Variants in AHRR observed in about 807,000 individuals in gnomAD.
AHRR encodes ahR repressor.
Under a neutral mutation model 44.0 loss-of-function variants are expected in AHRR, and 28 were observed. The observed-to-expected ratio is 0.64, with a 90% CI of 0.47 to 0.87. The LOEUF (loss-of-function observed/expected upper bound fraction) is 0.87, where lower values mean the gene tolerates loss of function less well. Among genes scored for constraint, AHRR ranks in the 40% least tolerant of loss-of-function variants. The pLI is 0.00. For synonymous variants in AHRR, 434 were observed against 407.0 expected (o/e 1.07, Z -0.80); for missense variants, 990 against 953.9 (o/e 1.04, Z -0.50).
At position 433,698 on chromosome 5, in the gene AHRR, G is replaced by A. The variant is rs577405240; in HGVS notation, c.1113-155G>A. Among the ~76,000 whole-genome samples, 229 of 152,210 alleles carry A rather than the reference G, an allele frequency of 1.5e-3. 1 individual carries two copies. Among genetic ancestry groups the A allele is most frequent in the African/African-American group, 5.2e-3 (216 of 41,552 alleles). Reference sequence around the variant, plus strand: ...GCACAGCCTCCTGGGCTGCTGGGGGGGTTAGAAGGCACAGCGCAGTGAGGG... The same window carrying A: ...GCACAGCCTCCTGGGCTGCTGGGGGAGTTAGAAGGCACAGCGCAGTGAGGG... On this transcript the variant is annotated intron_variant, in intron 10 of 10. Coordinates refer to ENST00000684583, the MANE Select transcript of AHRR (RefSeq NM_001377236.1).
Position 419,373 on chromosome 5 carries a change from G to C in AHRR, c.442-3356G>C, listed in dbSNP as rs1014762762. Among the ~76,000 whole-genome samples, 1 of 152,062 alleles carries C rather than the reference G, an allele frequency of 6.6e-6. No individual in the cohort carries two copies. Among genetic ancestry groups the C allele is most frequent in the African/African-American group, 2.4e-5 (1 of 41,426 alleles). Reference sequence around the variant, plus strand: ...AGAGACGGGGCTTCACCATGTTGAAGCCAGGCTGATCTCAAACTCCCAACC... The same window carrying C: ...AGAGACGGGGCTTCACCATGTTGAACCCAGGCTGATCTCAAACTCCCAACC... On this transcript the variant is annotated intron_variant, in intron 5 of 10. Transcript: ENST00000684583. This position sits in a 1 kb window ranked among gnomAD's most constrained non-coding sequence, Gnocchi z 4.4.
chr5:414,477 A>G (rs561032564), intron 5 of AHRR, among the ~76,000 whole-genome samples: 1 of 152,240 alleles, frequency 6.6e-6, no homozygotes, highest in East Asian at 1.9e-4. Flanking sequence ...CAAAGAAGCA[A>G]AAATGGGGCC....
intron 3 of AHRR, among the ~76,000 whole-genome samples, chr5:372,447 C>T (rs1045893119): frequency 6.6e-6 from 1 of 152,230 alleles, no homozygotes. Context: ...ACGTCCTCTT[C>T]TGCTCGCTTT....
intron 2 of AHRR, among the ~76,000 whole-genome samples, chr5:345,609 G>GGT (rs1431299672): frequency 6.8e-6 from 1 of 146,794 alleles, no homozygotes; most frequent in Non-Finnish European, 1.5e-5. Context: ...TGTGTGTGTG[G>GGT]GTGTGTGTGT....
intron 2 of AHRR, among the ~76,000 whole-genome samples, chr5:347,468 G>C (rs1235109367): frequency 6.6e-6 from 1 of 152,006 alleles, no homozygotes; most frequent in Non-Finnish European, 1.5e-5. Context: ...TTAGTTCTTC[G>C]AATACATTCC....
rs772563118 is a variant in AHRR, at chr5:419,353, C to T, written c.442-3376C>T. ...CTAAATTTTGTATTTTTAGAAGAGA[C>T]GGGGCTTCACCATGTTGAAGCCAGG... On this transcript the variant is annotated intron_variant, in intron 5 of 10. Coordinates refer to ENST00000684583, the MANE Select transcript of AHRR (RefSeq NM_001377236.1). The surrounding 1 kb of genome is among the most constrained non-coding windows in gnomAD (Gnocchi z 4.4). Among the ~76,000 whole-genome samples the T allele has an allele frequency of 2.0e-5, 3 of 151,954 alleles. No individual in the cohort carries two copies. The highest frequency in any genetic ancestry group is 7.3e-5 in the African/African-American group (3 of 41,368).
intron 2 of AHRR, among the ~76,000 whole-genome samples, chr5:346,595 G>C (rs1742686970): frequency 6.6e-6 from 1 of 152,090 alleles, no homozygotes; most frequent in Non-Finnish European, 1.5e-5. Flanking sequence ...CCCACCCCCG[G>C]GGGACCCAGC....
intron 4 of AHRR, among the ~76,000 whole-genome samples, chr5:390,364 G>A (rs1734359944): frequency 6.6e-6 from 1 of 152,002 alleles, no homozygotes; most frequent in Admixed American, 6.6e-5. Flanking sequence ...TTTCTTAAAA[G>A]AAAGACAAAG....
chr5:430,284 G>A (rs1202080073), intron 8 of AHRR, among the ~76,000 whole-genome samples: 1 of 152,224 alleles, frequency 6.6e-6, no homozygotes, highest in Admixed American at 6.5e-5. Flanking sequence ...CACCCGGCAC[G>A]CTGCCGTCCC....
chr5:375,533 G>A (rs985317946), intron 3 of AHRR, among the ~76,000 whole-genome samples: 5 of 152,226 alleles, frequency 3.3e-5, no homozygotes, highest in African/African-American at 4.8e-5. Flanking sequence ...CGTGAAGGAC[G>A]GTGTGCTGGC....
chr5:434,906 T>C lies in AHRR; in HGVS notation c.*72T>C, dbSNP rs1058337. 4.0e-5 allele frequency: 60 copies of C among 1,483,838 alleles called. No homozygotes were observed. Among genetic ancestry groups the C allele is most frequent in the Admixed American group, 1.3e-4 (6 of 47,552 alleles). The allele number at this position is 1,483,838 out of a possible 1,614,324, so 91.9% of individuals were successfully genotyped here. A position where few individuals can be genotyped will look rare whatever the true frequency, so the allele number is the denominator to read the frequency against. On this transcript the variant is annotated 3_prime_UTR_variant, in exon 11 of 11. Transcript: ENST00000684583. ...TGCGTCGGTGGCTGGGCTGCCCTGC[T>C]CCTGGTCAGGCCGGAGCCCGTCCTA...
chr5:403,197 C>T (rs1055141991), intron 4 of AHRR, among the ~76,000 whole-genome samples: 1 of 151,998 alleles, frequency 6.6e-6, no homozygotes, highest in Non-Finnish European at 1.5e-5. Context: ...TGGGACGTAC[C>T]GGGCTGAGGA....
intron 7 of AHRR, among the ~76,000 whole-genome samples, chr5:425,971 T>C (rs1736369168): frequency 6.6e-6 from 1 of 152,184 alleles, no homozygotes; most frequent in Non-Finnish European, 1.5e-5. Flanking sequence ...CAGGGCCAAC[T>C]GAAAATGGTA....
At chr5:379,786 T>A (rs1231781184) in intron 4 of AHRR, among the ~76,000 whole-genome samples, 2 of 152,280 alleles carry the variant, frequency 1.3e-5, no homozygotes. Flanking sequence ...AGTCTGTGGC[T>A]TGTCTTTTTA....
intron 5 of AHRR, chr5:421,052 C>T (rs1736084823): frequency 1.9e-6 from 1 of 523,294 alleles, no homozygotes; most frequent in Non-Finnish European, 3.4e-6. Context: ...GTGGCCTATC[C>T]ACCGCAGCGA....
intron 1 of AHRR, among the ~76,000 whole-genome samples, chr5:336,939 A>T (rs1353692223): frequency 2.6e-5 from 4 of 152,030 alleles, no homozygotes. Flanking sequence ...CAGGCTGGCC[A>T]GTTATCTCAA....
intron 7 of AHRR, chr5:427,494 C>G: frequency 2.0e-6 from 2 of 990,226 alleles, no homozygotes; most frequent in Non-Finnish European, 3.0e-6. Context: ...AGGCGCAGTT[C>G]GTGCCACCTG....
chr5:409,923 G>C (rs920314494), intron 4 of AHRR, among the ~76,000 whole-genome samples: 6 of 152,108 alleles, frequency 3.9e-5, no homozygotes, highest in Non-Finnish European at 4.4e-5. Flanking sequence ...TGTGTCTGTT[G>C]TAGGTCTTGA....
In AHRR at chr5:422,761, C is replaced by T; in HGVS notation, c.474C>T (p.Tyr158=). 6.2e-7 allele frequency: 1 copy of T among 1,614,198 alleles called. No individual in the cohort carries two copies. Among genetic ancestry groups the T allele is most frequent in the Non-Finnish European group, 8.5e-7 (1 of 1,180,038 alleles). The stretch of plus-strand genomic sequence containing the variant: ...TAATGCACCAGAACATTTATGACTA[C>T]ATCCACGTGGACGACCGCCAGGACT... ...TDVMHQNIYD[Y]IHVDDRQDFC... The change falls in exon 6 of 11, where the codon TAC becomes TAT. Residue 158 remains tyrosine, a synonymous_variant. Coordinates refer to ENST00000684583, the MANE Select transcript of AHRR (RefSeq NM_001377236.1).
Sources: gnomAD v4.1 joint callset for allele counts (sites outside exome capture counted in the v4.1 genomes callset) on GRCh38, gnomAD v4.1.1 for gene constraint, Gnocchi (gnomAD v3.1) non-coding constraint, MANE v1.5 for transcripts, NCBI Gene and HGNC (gene_info 2026-07-23, HGNC 2026-07-21) for gene names.